The following STX8 variants were observed in gnomAD, a reference collection of about 807,000 sequenced individuals.
The protein encoded by STX8 is syntaxin-8.
In STX8, 23 loss-of-function variants were observed where a neutral mutation model predicts 37.5. The observed-to-expected ratio is 0.61, with a 90% CI of 0.44 to 0.87. The LOEUF is 0.87. Among genes scored for constraint, STX8 ranks in the 40% least tolerant of loss-of-function variants. The pLI is 0.00. For synonymous variants in STX8, 115 were observed against 99.1 expected (o/e 1.16, Z -0.95); for missense variants, 313 against 284.7 (o/e 1.10, Z -0.71).
chr17:9,457,021 C>T (rs11871641), intron 6 of STX8, among the ~76,000 whole-genome samples: 2,289 of 152,186 alleles, frequency 0.015, 68 homozygotes, highest in African/African-American at 0.051. Flanking sequence ...AAATGAGACT[C>T]GAACTGGATT....
chr17:9,254,422 G>A (rs1336369202), intron 7 of STX8, among the ~76,000 whole-genome samples: 1 of 150,190 alleles, frequency 6.7e-6, no homozygotes, highest in Non-Finnish European at 1.5e-5. Context: ...TTTTTTTTGA[G>A]ATGGAGTCTC....
chr17:9,412,458 T>C (rs1913017113), intron 6 of STX8, among the ~76,000 whole-genome samples: 1 of 152,138 alleles, frequency 6.6e-6, no homozygotes, highest in Non-Finnish European at 1.5e-5. Context: ...TTTGTATTTT[T>C]AGTAGAGACA....
intron 7 of STX8, among the ~76,000 whole-genome samples, chr17:9,368,925 T>C (rs1057444014): frequency 1.0e-5 from 1 of 100,378 alleles, no homozygotes; most frequent in Non-Finnish European, 2.4e-5. Context: ...TTTTACCCTT[T>C]TTTTTTTTTT....
chr17:9,356,986 T>TTTTTTTTA (rs1567796162), intron 7 of STX8, among the ~76,000 whole-genome samples: 1 of 108,982 alleles, frequency 9.2e-6, no homozygotes, highest in Non-Finnish European at 1.8e-5. Flanking sequence ...TTTTTTTTTT[T>TTTTTTTTA]AGGCAAAGTC....
chr17:9,562,919 T>A (rs1364540316), intron 2 of STX8, among the ~76,000 whole-genome samples: 2 of 152,192 alleles, frequency 1.3e-5, no homozygotes, highest in Non-Finnish European at 2.9e-5. Flanking sequence ...TGCACATAAT[T>A]TTTTTAAAGG....
intron 6 of STX8, among the ~76,000 whole-genome samples, chr17:9,423,650 T>C (rs1444770193): frequency 6.6e-6 from 1 of 152,138 alleles, no homozygotes; most frequent in Non-Finnish European, 1.5e-5. Flanking sequence ...AGGAAGAAAA[T>C]TCAAAGCAAA....
intron 6 of STX8, among the ~76,000 whole-genome samples, chr17:9,436,838 C>T (rs1904450576): frequency 6.6e-6 from 1 of 152,222 alleles, no homozygotes; most frequent in Admixed American, 6.5e-5. Context: ...AACAAACTCT[C>T]TGGGCAAGAT....
At chr17:9,304,513 A>C (rs1908896368) in intron 7 of STX8, among the ~76,000 whole-genome samples, 1 of 149,874 alleles carries the variant, frequency 6.7e-6, no homozygotes, top group South Asian at 2.1e-4. Flanking sequence ...GTCTCAAAAA[A>C]AAAAAAAAAA....
At chr17:9,509,192 T>C (rs1049244565) in intron 4 of STX8, among the ~76,000 whole-genome samples, 7 of 152,152 alleles carry the variant, frequency 4.6e-5, no homozygotes, top group Admixed American at 3.9e-4. Flanking sequence ...GAGGTTGCAG[T>C]GAGCTGAGAC....
At chr17:9,496,075 CTTTTTT>C (rs10556314) in intron 5 of STX8, among the ~76,000 whole-genome samples, 2 of 138,006 alleles carry the variant, frequency 1.4e-5, no homozygotes. Context: ...TTTTCTTTCT[CTTTTTT>C]TTTTTTTTTT....
chr17:9,571,488 C>CG (rs562685034), intron 1 of STX8, among the ~76,000 whole-genome samples: 6 of 148,766 alleles, frequency 4.0e-5, no homozygotes, highest in Non-Finnish European at 7.4e-5. Context: ...GTAATTGGGT[C>CG]GGGGGGTGGC....
At chr17:9,554,643 G>C (rs573623541) in intron 3 of STX8, 3 of 152,342 alleles carry the variant, frequency 2.0e-5, no homozygotes, top group African/African-American at 7.2e-5. Flanking sequence ...AGTGGCTCAC[G>C]CCTGTAATCC....
chr17:9,477,109 C>T (rs951816747), intron 6 of STX8, among the ~76,000 whole-genome samples: 16 of 152,254 alleles, frequency 1.1e-4, no homozygotes, highest in Non-Finnish European at 2.2e-4. Flanking sequence ...CCACCTACCT[C>T]GACTTCTCAA....
chr17:9,474,263 A>C (rs898548504), intron 6 of STX8, among the ~76,000 whole-genome samples: 5 of 152,076 alleles, frequency 3.3e-5, no homozygotes, highest in Non-Finnish European at 7.4e-5. Flanking sequence ...ACTGTCCCCG[A>C]GTTGGATCCT....
chr17:9,480,945 C>T (rs1481300970), intron 6 of STX8, among the ~76,000 whole-genome samples: 2 of 150,588 alleles, frequency 1.3e-5, no homozygotes, highest in Non-Finnish European at 2.9e-5. Context: ...AGGGTAGTGG[C>T]ATGATCTCAG....
At chr17:9,416,886 T>G (rs1483948702) in intron 6 of STX8, among the ~76,000 whole-genome samples, 1 of 152,198 alleles carries the variant, frequency 6.6e-6, no homozygotes, top group Non-Finnish European at 1.5e-5. Flanking sequence ...TTCCTATAGA[T>G]AACATCATTA....
chr17:9,319,248 T>C (rs960247824), intron 7 of STX8, among the ~76,000 whole-genome samples: 6 of 151,906 alleles, frequency 3.9e-5, no homozygotes, highest in African/African-American at 1.5e-4. Context: ...TGAAACCCTG[T>C]CTCTACTAAA....
intron 4 of STX8, among the ~76,000 whole-genome samples, chr17:9,536,420 G>C: frequency 6.6e-6 from 1 of 152,126 alleles, no homozygotes; most frequent in East Asian, 1.9e-4. Context: ...TACTTCACGG[G>C]ATGTTTTTCC....
intron 6 of STX8, among the ~76,000 whole-genome samples, chr17:9,388,497 C>T (rs1256126837): frequency 6.6e-6 from 1 of 151,628 alleles, no homozygotes; most frequent in East Asian, 1.9e-4. Context: ...GTGTTCACTA[C>T]AATTTGACAT....
Sources: gnomAD v4.1 joint callset for allele counts (sites outside exome capture counted in the v4.1 genomes callset) on GRCh38, gnomAD v4.1.1 for gene constraint, MANE v1.5 for transcripts, NCBI Gene and HGNC (gene_info 2026-07-23, HGNC 2026-07-21) for gene names.